CCSER1: variants seen among roughly 807,000 people sequenced by gnomAD.
CCSER1 encodes coiled-coil serine rich protein 1, also known as serine-rich coiled-coil domain-containing protein 1.
In CCSER1, 41 loss-of-function variants were observed where a neutral mutation model predicts 82.0. The observed-to-expected ratio is 0.50, with a 90% CI of 0.39 to 0.65. The LOEUF is 0.65. Among genes scored for constraint, CCSER1 ranks in the 30% least tolerant of loss-of-function variants. The pLI is 0.00. For missense variants in CCSER1, 1,119 were observed against 1,064.2 expected, an observed-to-expected ratio of 1.05 and a Z score of -0.72; for synonymous variants, 414 against 383.9, an observed-to-expected ratio of 1.08 and a Z score of -0.92.
intron 8 of CCSER1, among the ~76,000 whole-genome samples, chr4:90,823,549 T>C (rs982285816): frequency 6.6e-6 from 1 of 152,100 alleles, no homozygotes; most frequent in African/African-American, 2.4e-5. Flanking sequence ...GACAAAGACA[T>C]GGAACTTGAG....
At chr4:90,437,272 C>T (rs1057027079) in intron 4 of CCSER1, among the ~76,000 whole-genome samples, 11 of 147,690 alleles carry the variant, frequency 7.4e-5, no homozygotes, top group African/African-American at 2.1e-4. Context: ...TGCACACATG[C>T]GCGCGCACAC....
intron 7 of CCSER1, among the ~76,000 whole-genome samples, chr4:90,784,825 A>G (rs1179595260): frequency 6.6e-6 from 1 of 152,194 alleles, no homozygotes; most frequent in African/African-American, 2.4e-5. Flanking sequence ...TATGTATTAT[A>G]TACTGTATTC....
In CCSER1 at chr4:91,496,788, GAATATATATTTGAATATATATATATTC is replaced by G. The variant is rs1560717166; in HGVS notation, c.2218-101773_2218-101747del. ...ATTCAATATATATTGAATATATATT[GAATATATATTTGAATATATATATATTC>G]AATATATATTGAATATATATTGAAT... On this transcript the variant is annotated intron_variant, in intron 10 of 10. Coordinates refer to ENST00000509176, the MANE Select transcript of CCSER1 (RefSeq NM_001145065.2). 9.8e-3 allele frequency among the ~76,000 whole-genome samples: 227 copies of G among 23,256 alleles called. 33 individuals are homozygous for G. Among genetic ancestry groups the G allele is most frequent in the Non-Finnish European group, 0.016 (155 of 9,524 alleles). 15.3% of individuals were successfully genotyped at this position (23,256 alleles called of 152,430 possible). A position where few individuals can be genotyped will look rare whatever the true frequency, so the allele number is the denominator to read the frequency against.
chr4:90,199,191 A>G (rs756974306), intron 1 of CCSER1, among the ~76,000 whole-genome samples: 12 of 152,198 alleles, frequency 7.9e-5, no homozygotes, highest in Non-Finnish European at 1.2e-4. Flanking sequence ...TGAGATTTCT[A>G]TACTTTAAAT....
At chr4:90,793,472 C>G (rs1186347957) in intron 7 of CCSER1, among the ~76,000 whole-genome samples, 1 of 152,024 alleles carries the variant, frequency 6.6e-6, no homozygotes, top group Non-Finnish European at 1.5e-5. Flanking sequence ...GGATAATGGC[C>G]TCCATCCATG....
intron 10 of CCSER1, among the ~76,000 whole-genome samples, chr4:91,542,352 A>T (rs1761648026): frequency 2.0e-5 from 3 of 151,992 alleles, no homozygotes; most frequent in Admixed American, 2.0e-4. Flanking sequence ...CAGGGTTTTT[A>T]TGGTTTTAGG....
chr4:90,272,735 G>T (rs1726781344), intron 1 of CCSER1, among the ~76,000 whole-genome samples: 1 of 152,160 alleles, frequency 6.6e-6, no homozygotes, highest in Admixed American at 6.6e-5. Context: ...CCATAAAATG[G>T]CTCACGCCTG....
At chr4:90,373,978 T>C (rs2153527269) in intron 3 of CCSER1, among the ~76,000 whole-genome samples, 1 of 152,316 alleles carries the variant, frequency 6.6e-6, no homozygotes, top group Non-Finnish European at 1.5e-5. Context: ...GCCGATACTC[T>C]AGATACTGCT....
intron 2 of CCSER1, among the ~76,000 whole-genome samples, chr4:90,310,886 T>C (rs1453631761): frequency 6.6e-6 from 1 of 152,122 alleles, no homozygotes. Flanking sequence ...CTTAATACTT[T>C]TCTCATTTGA....
At chr4:91,466,076 C>T (rs921948360) in intron 10 of CCSER1, among the ~76,000 whole-genome samples, 8 of 152,070 alleles carry the variant, frequency 5.3e-5, no homozygotes, top group African/African-American at 1.2e-4. Flanking sequence ...ACCAATATCC[C>T]TGATGAACAT....
At chr4:90,370,245 T>A (rs1044976893) in intron 3 of CCSER1, 1 of 152,062 alleles carries the variant, frequency 6.6e-6, no homozygotes, top group African/African-American at 2.4e-5. Context: ...GCATTCCACG[T>A]CTGCAGTTTC....
intron 10 of CCSER1, among the ~76,000 whole-genome samples, chr4:91,451,956 C>T (rs1272560483): frequency 1.3e-5 from 2 of 151,860 alleles, no homozygotes; most frequent in Non-Finnish European, 2.9e-5. Context: ...CTGGACTGGG[C>T]CAACAATATC....
At chr4:90,902,531 G>T (rs1437826563) in intron 8 of CCSER1, among the ~76,000 whole-genome samples, 2 of 151,792 alleles carry the variant, frequency 1.3e-5, no homozygotes, top group Non-Finnish European at 2.9e-5. Context: ...TGATATTTTG[G>T]CTTTATTTCT....
At chr4:90,576,803 G>A (rs2148609212) in intron 5 of CCSER1, among the ~76,000 whole-genome samples, 1 of 152,174 alleles carries the variant, frequency 6.6e-6, no homozygotes, top group South Asian at 2.1e-4. Context: ...TCCAAGTTTG[G>A]CAATTATAAA....
intron 7 of CCSER1, among the ~76,000 whole-genome samples, chr4:90,790,710 T>G (rs1755111358): frequency 6.6e-6 from 1 of 152,208 alleles, no homozygotes; most frequent in African/African-American, 2.4e-5. Flanking sequence ...CAGATCACTA[T>G]CAGCATTTTG....
intron 5 of CCSER1, among the ~76,000 whole-genome samples, chr4:90,497,629 G>A (rs1383094395): frequency 1.3e-5 from 2 of 152,094 alleles, no homozygotes; most frequent in Non-Finnish European, 2.9e-5. Context: ...CATATGTAAC[G>A]TGATAATAAC....
rs1721972048 is a variant in CCSER1, at chr4:90,127,424, T to G, written c.-449T>G. The G allele has an allele frequency of 6.6e-6, 1 of 151,568 alleles. No homozygotes were observed. The highest frequency in any genetic ancestry group is 1.5e-5 in the Non-Finnish European group (1 of 68,040). 9.4% of individuals were successfully genotyped at this position (151,568 alleles called of 1,614,324 possible). On this transcript the variant is annotated 5_prime_UTR_variant, in exon 1 of 11. Transcript: ENST00000509176. ...CCCGGAGCGCGGCCTGCCGGGGAGG[T>G]GGATCTCGCGCTCCCCACACAGTCA...
At chr4:91,255,986 G>A (rs1381212693) in intron 10 of CCSER1, among the ~76,000 whole-genome samples, 2 of 152,298 alleles carry the variant, frequency 1.3e-5, no homozygotes, top group East Asian at 3.9e-4. Context: ...GGGAACAAGG[G>A]AGATAACCAT....
chr4:90,271,827 TA>T (rs1726347196), intron 1 of CCSER1, among the ~76,000 whole-genome samples: 4 of 16,836 alleles, frequency 2.4e-4, no homozygotes, highest in Non-Finnish European at 3.9e-4. Flanking sequence ...CTGGACAATT[TA>T]TATATATATA....
Sources: allele counts gnomAD v4.1 joint callset (sites outside exome capture counted in the v4.1 genomes callset), GRCh38; gene constraint gnomAD v4.1.1; transcripts MANE v1.5; gene names NCBI Gene and HGNC (gene_info 2026-07-23, HGNC 2026-07-21).